The following SUGCT variants were observed in gnomAD, a reference collection of about 807,000 sequenced individuals.
SUGCT encodes succinyl-CoA:glutarate CoA-transferase.
Under a neutral mutation model 55.0 loss-of-function variants are expected in SUGCT, and 41 were observed. The observed-to-expected ratio is 0.74, with a 90% confidence interval of 0.58 to 0.97. The LOEUF is 0.97. Among genes scored for constraint, SUGCT ranks in the 50% least tolerant of loss-of-function variants. The pLI is 0.00. For missense variants in SUGCT, 568 were observed against 547.8 expected, an observed-to-expected ratio of 1.04 and a Z score of -0.37; for synonymous variants, 187 against 200.4, an observed-to-expected ratio of 0.93 and a Z score of 0.56.
intron 12 of SUGCT, among the ~76,000 whole-genome samples, chr7:40,574,742 G>A (rs985952064): frequency 6.6e-6 from 1 of 152,158 alleles, no homozygotes; most frequent in Non-Finnish European, 1.5e-5. Context: ...GGGCCTGTTA[G>A]TTTAATCTTC....
At chr7:41,017,650 A>G in the SUGCT span, among the ~76,000 whole-genome samples, 1 of 152,020 alleles carries the variant, frequency 6.6e-6, no homozygotes, top group East Asian at 1.9e-4. Flanking sequence ...GGGTGCCTAT[A>G]GTCCCAGCTA....
intron 9 of SUGCT, among the ~76,000 whole-genome samples, chr7:40,365,213 CT>C (rs1783867482): frequency 6.6e-6 from 1 of 152,172 alleles, no homozygotes; most frequent in Non-Finnish European, 1.5e-5. Context: ...AATTTAACAA[CT>C]CTTCATGCTA....
chr7:41,004,635 T>C, the SUGCT span, among the ~76,000 whole-genome samples: 1 of 152,206 alleles, frequency 6.6e-6, no homozygotes, highest in Non-Finnish European at 1.5e-5. Flanking sequence ...CTGGGCAGGC[T>C]ATGGAAGACA....
intron 1 of SUGCT, among the ~76,000 whole-genome samples, chr7:40,139,172 A>C (rs148140050): frequency 0.065 from 8,838 of 135,754 alleles, 857 homozygotes; most frequent in African/African-American, 0.24. Context: ...ATAAATAAAT[A>C]AATAAATCCA....
chr7:40,246,574 A>C (rs538480601), intron 7 of SUGCT, among the ~76,000 whole-genome samples: 35 of 145,886 alleles, frequency 2.4e-4, no homozygotes, highest in Non-Finnish European at 4.0e-4. Context: ...TTTATGCCTG[A>C]CTTTTTTGTT....
At chr7:40,239,149 C>A (rs1043897869) in intron 7 of SUGCT, among the ~76,000 whole-genome samples, 14 of 152,016 alleles carry the variant, frequency 9.2e-5, no homozygotes, top group African/African-American at 3.4e-4. Flanking sequence ...TGGAGTGCAG[C>A]CTCCGTGGCA....
At chr7:40,868,931 A>C in the SUGCT span, among the ~76,000 whole-genome samples, 1 of 152,242 alleles carries the variant, frequency 6.6e-6, no homozygotes, top group African/African-American at 2.4e-5. Flanking sequence ...AGTACATAGA[A>C]TTCCCATGTA....
At chr7:40,154,776 C>G (rs942776593) in intron 1 of SUGCT, among the ~76,000 whole-genome samples, 2 of 152,168 alleles carry the variant, frequency 1.3e-5, no homozygotes, top group African/African-American at 4.8e-5. Flanking sequence ...TTCTTTAACT[C>G]TAGAAGTGAA....
the SUGCT span, among the ~76,000 whole-genome samples, chr7:40,948,146 A>ATAT: frequency 2.6e-5 from 4 of 152,130 alleles, no homozygotes; most frequent in Non-Finnish European, 4.4e-5. Context: ...ATGTCCTGTG[A>ATAT]TATTGCACAA....
the SUGCT span, among the ~76,000 whole-genome samples, chr7:40,876,709 C>T: frequency 1.3e-5 from 2 of 152,112 alleles, no homozygotes; most frequent in African/African-American, 4.8e-5. Context: ...GTCTCAGGCC[C>T]ATGGGAGGTG....
At chr7:40,641,339 G>A (rs1476204699) in intron 12 of SUGCT, among the ~76,000 whole-genome samples, 1 of 152,044 alleles carries the variant, frequency 6.6e-6, no homozygotes, top group Non-Finnish European at 1.5e-5. Flanking sequence ...GAACATTATC[G>A]AAAAAATATG....
chr7:40,556,773 A>C (rs2151651632), intron 12 of SUGCT, among the ~76,000 whole-genome samples: 1 of 152,356 alleles, frequency 6.6e-6, no homozygotes, highest in African/African-American at 2.4e-5. Flanking sequence ...ATAATTTTAA[A>C]GCACGTGGAA....
intron 12 of SUGCT, among the ~76,000 whole-genome samples, chr7:40,620,546 G>A (rs1318479767): frequency 6.6e-6 from 1 of 151,948 alleles, no homozygotes; most frequent in Non-Finnish European, 1.5e-5. Flanking sequence ...GGGATTACAG[G>A]CACCTGCCAC....
chr7:40,330,490 T>A (rs1796247899), intron 9 of SUGCT, among the ~76,000 whole-genome samples: 1 of 151,534 alleles, frequency 6.6e-6, no homozygotes, highest in Non-Finnish European at 1.5e-5. Flanking sequence ...CGATTTTTTT[T>A]TTTGCCGGAT....
chr7:40,153,569 A>G (rs1266753989), intron 1 of SUGCT: 2 of 485,082 alleles, frequency 4.1e-6, no homozygotes, highest in Non-Finnish European at 8.2e-6. Context: ...TTTTGGACCT[A>G]TCAACTCTTA....
chr7:40,901,539 G>A, the SUGCT span, among the ~76,000 whole-genome samples: 1 of 152,160 alleles, frequency 6.6e-6, no homozygotes, highest in African/African-American at 2.4e-5. Context: ...AAGGCGTTCT[G>A]CAAGCTCAGG....
intron 9 of SUGCT, among the ~76,000 whole-genome samples, chr7:40,323,551 C>T (rs4286851): frequency 0.69 from 105,374 of 151,820 alleles, 36,889 homozygotes; most frequent in East Asian, 0.99. Flanking sequence ...CACCACCATG[C>T]CCAGCTATTT....
intron 12 of SUGCT, chr7:40,498,904 CT>C (rs1241406813): frequency 2.7e-5 from 10 of 364,928 alleles, no homozygotes; most frequent in African/African-American, 1.3e-4. Flanking sequence ...AAAAATATAT[CT>C]GCAAAATCTA....
intron 12 of SUGCT, among the ~76,000 whole-genome samples, chr7:40,559,556 T>A (rs1363105885): frequency 6.6e-6 from 1 of 152,126 alleles, no homozygotes; most frequent in Non-Finnish European, 1.5e-5. Context: ...AGAAAGGGGG[T>A]GAGAATGTGT....
Sources: allele counts gnomAD v4.1 joint callset (sites outside exome capture counted in the v4.1 genomes callset), GRCh38; gene constraint gnomAD v4.1.1; transcripts MANE v1.5; gene names NCBI Gene and HGNC (gene_info 2026-07-23, HGNC 2026-07-21).